ROR1: variants seen among roughly 807,000 people sequenced by gnomAD.
ROR1 encodes the protein inactive tyrosine-protein kinase transmembrane receptor ROR1.
Under a neutral mutation model 78.8 loss-of-function variants are expected in ROR1, and 19 were observed. That is an observed-to-expected ratio of 0.24 (90% CI 0.17 to 0.35). The LOEUF (loss-of-function observed/expected upper bound fraction) is 0.35, where lower values mean the gene tolerates loss of function less well. Among genes scored for constraint, ROR1 ranks in the 10% least tolerant of loss-of-function variants. The probability of loss-of-function intolerance (pLI) is 1.00; values close to 1 mark genes in which losing one functional copy is unlikely to be tolerated. For synonymous variants in ROR1, 386 were observed against 433.6 expected, an observed-to-expected ratio of 0.89 and a Z score of 1.36; for missense variants, 917 against 1,177.8, an observed-to-expected ratio of 0.78 and a Z score of 3.24.
At chr1:64,117,453 C>A (rs1243337865) in intron 4 of ROR1, among the ~76,000 whole-genome samples, 1 of 151,814 alleles carries the variant, frequency 6.6e-6, no homozygotes, top group African/African-American at 2.4e-5. Flanking sequence ...AACCAGTGAG[C>A]GGGGGAAGAA....
At chr1:64,113,227 G>A (rs2806536) in intron 4 of ROR1, among the ~76,000 whole-genome samples, 101,240 of 152,008 alleles carry the variant, frequency 0.67, 34,434 homozygotes, top group East Asian at 0.96. Context: ...ATTCAAGAAT[G>A]TGCATACATT....
At chr1:64,112,682 T>C (rs1434016174) in intron 4 of ROR1, among the ~76,000 whole-genome samples, 1 of 152,170 alleles carries the variant, frequency 6.6e-6, no homozygotes, top group Non-Finnish European at 1.5e-5. Context: ...TCTCTTCCTC[T>C]TTCAACCTCA....
intron 1 of ROR1, among the ~76,000 whole-genome samples, chr1:63,813,329 A>G (rs1557509112): frequency 6.6e-6 from 1 of 152,224 alleles, no homozygotes; most frequent in African/African-American, 2.4e-5. Context: ...GCCTTCTCCC[A>G]GAAACCTTCT....
chr1:63,865,633 G>A (rs1645210660), intron 1 of ROR1, among the ~76,000 whole-genome samples: 1 of 152,090 alleles, frequency 6.6e-6, no homozygotes, highest in Non-Finnish European at 1.5e-5. Context: ...ATGTTTATAT[G>A]TTTCACTCTG....
At chr1:63,940,480 GAC>G (rs1645828200) in intron 1 of ROR1, among the ~76,000 whole-genome samples, 5 of 74,846 alleles carry the variant, frequency 6.7e-5, no homozygotes, top group Non-Finnish European at 1.7e-4. Context: ...TAGATAGATA[GAC>G]AGATAGATAG....
chr1:63,877,901 A>G (rs1645298025), intron 1 of ROR1, among the ~76,000 whole-genome samples: 1 of 152,202 alleles, frequency 6.6e-6, no homozygotes. Flanking sequence ...AAAGAGGCTC[A>G]TTGTTAATGT....
intron 1 of ROR1, among the ~76,000 whole-genome samples, chr1:63,794,414 C>A (rs1644746031): frequency 6.6e-6 from 1 of 152,170 alleles, no homozygotes; most frequent in African/African-American, 2.4e-5. Context: ...GAAATAACCA[C>A]CCTGAATTCC....
chr1:64,107,676 GT>G (rs11313918), intron 4 of ROR1, among the ~76,000 whole-genome samples: 150,170 of 150,486 alleles, frequency 1, 74,928 homozygotes, highest in Non-Finnish European at 1. Flanking sequence ...GATTGTATTG[GT>G]TTTTTTTTTT....
intron 1 of ROR1, among the ~76,000 whole-genome samples, chr1:63,969,579 T>A (rs1397850221): frequency 6.6e-6 from 1 of 152,174 alleles, no homozygotes; most frequent in Non-Finnish European, 1.5e-5. Flanking sequence ...CCCTGCAAAC[T>A]GGCTTCTCCT....
chr1:63,820,089 C>G lies in ROR1; in HGVS notation c.91+45581C>G, dbSNP rs116510076. Reference sequence around the variant, plus strand: ...TGGTTAACTTTTTGAGCCAAAAGTTCCAAATTGTTCAGTAAAATGTCATTG... The same window carrying G: ...TGGTTAACTTTTTGAGCCAAAAGTTGCAAATTGTTCAGTAAAATGTCATTG... On this transcript the variant is annotated intron_variant, in intron 1 of 8. Transcript: ENST00000371079. Among the ~76,000 whole-genome samples, 634 of 152,212 alleles carry G rather than the reference C, an allele frequency of 4.2e-3. 4 individuals are homozygous for G. Among genetic ancestry groups the G allele is most frequent in the Non-Finnish European group, 5.5e-3 (374 of 68,012 alleles).
At chr1:63,819,346 A>T (rs1644911204) in intron 1 of ROR1, among the ~76,000 whole-genome samples, 1 of 152,158 alleles carries the variant, frequency 6.6e-6, no homozygotes. Context: ...GCACTGACTT[A>T]TGAGGGCAGG....
At chr1:63,907,191 G>A (rs187850270) in intron 1 of ROR1, among the ~76,000 whole-genome samples, 92 of 152,288 alleles carry the variant, frequency 6.0e-4, no homozygotes, top group Non-Finnish European at 3.1e-4. Context: ...GGACATTCTA[G>A]GCTGAGAGTG....
At chr1:63,786,463 G>A (rs1569704179) in intron 1 of ROR1, among the ~76,000 whole-genome samples, 2 of 151,130 alleles carry the variant, frequency 1.3e-5, no homozygotes, top group South Asian at 2.1e-4. Flanking sequence ...TAATAGAGAC[G>A]GGGTTTCACC....
At chr1:63,826,487 C>CT (rs370310894) in intron 1 of ROR1, among the ~76,000 whole-genome samples, 4 of 152,226 alleles carry the variant, frequency 2.6e-5, no homozygotes, top group African/African-American at 7.2e-5. Flanking sequence ...TTTATCTAGT[C>CT]TATCATTGAT....
intron 2 of ROR1, among the ~76,000 whole-genome samples, chr1:64,044,960 A>G (rs1646772571): frequency 2.0e-5 from 3 of 152,318 alleles, no homozygotes; most frequent in Non-Finnish European, 4.4e-5. Flanking sequence ...TTGAAAACGA[A>G]CGTAACTCAG....
intron 8 of ROR1, among the ~76,000 whole-genome samples, chr1:64,168,992 G>A (rs1650164139): frequency 1.3e-5 from 2 of 152,230 alleles, no homozygotes; most frequent in South Asian, 4.1e-4. Context: ...CTCTTGAGGT[G>A]GAGCCCAGCA....
At chr1:63,918,885 C>T (rs552701833) in intron 1 of ROR1, among the ~76,000 whole-genome samples, 32 of 152,102 alleles carry the variant, frequency 2.1e-4, no homozygotes, top group Admixed American at 6.6e-4. Context: ...GCTGTCTCCG[C>T]GAGACAATGA....
intron 1 of ROR1, among the ~76,000 whole-genome samples, chr1:63,824,115 GT>G (rs1233398815): frequency 6.6e-6 from 1 of 152,072 alleles, no homozygotes; most frequent in Non-Finnish European, 1.5e-5. Flanking sequence ...AATCCAAAAA[GT>G]TTTTTTTCTC....
At chr1:63,879,375 G>T (rs986792025) in intron 1 of ROR1, among the ~76,000 whole-genome samples, 1 of 152,112 alleles carries the variant, frequency 6.6e-6, no homozygotes, top group African/African-American at 2.4e-5. Flanking sequence ...GGAGTGAGTT[G>T]AGATGAGGTG....
Sources: allele counts gnomAD v4.1 joint callset (sites outside exome capture counted in the v4.1 genomes callset), GRCh38; gene constraint gnomAD v4.1.1; transcripts MANE v1.5; gene names NCBI Gene and HGNC (gene_info 2026-07-23, HGNC 2026-07-21).